The following APPBP2 variants were observed in gnomAD, a reference collection of about 807,000 sequenced individuals.
The protein encoded by APPBP2 is amyloid beta precursor protein binding protein 2.
APPBP2 carries 15 observed loss-of-function variants against 76.0 expected under a neutral mutation model. The ratio of observed to expected loss-of-function variants is 0.20; its 90% confidence interval spans 0.13 to 0.30. The LOEUF (loss-of-function observed/expected upper bound fraction) is 0.30. Among genes scored for constraint, APPBP2 ranks in the 10% least tolerant of loss-of-function variants. APPBP2 has a pLI of 1.00. For synonymous variants in APPBP2, 222 were observed against 242.2 expected, an observed-to-expected ratio of 0.92 and a Z score of 0.77; for missense variants, 401 against 687.2, an observed-to-expected ratio of 0.58 and a Z score of 4.66.
At chr17:60,504,446 TA>T (rs2090850674) in intron 1 of APPBP2, among the ~76,000 whole-genome samples, 1 of 152,104 alleles carries the variant, frequency 6.6e-6, no homozygotes, top group Non-Finnish European at 1.5e-5. Flanking sequence ...AATTACTTAA[TA>T]AAGAGTGCAT....
chr17:60,466,574 C>T (rs1567922822), intron 4 of APPBP2, 115 bp from the exon 5 acceptor site: 1 of 1,078,596 alleles, frequency 9.3e-7, no homozygotes, highest in East Asian at 2.5e-5. Context: ...TACAAGGCAG[C>T]ATTGAAAATA....
intron 4 of APPBP2, among the ~76,000 whole-genome samples, chr17:60,469,324 CAA>C (rs1159684144): frequency 1.9e-4 from 10 of 53,088 alleles, no homozygotes; most frequent in Admixed American, 2.2e-4. Context: ...GACTCCATCT[CAA>C]AAAAAAAAAA....
intron 3 of APPBP2, among the ~76,000 whole-genome samples, chr17:60,484,112 G>A (rs1421420973): frequency 1.3e-5 from 2 of 152,152 alleles, no homozygotes; most frequent in African/African-American, 2.4e-5. Flanking sequence ...CCAGTACCAC[G>A]CTGTTTTGGT....
chr17:60,526,008 G>C lies in APPBP2; in HGVS notation c.-77C>G. Reference sequence around the variant, plus strand: ...ACCTCCCTCCGTAGCGAACCCCTCTGCGGCCCCGGAGGATTCGGAGGGGCG... The same window carrying C: ...ACCTCCCTCCGTAGCGAACCCCTCTCCGGCCCCGGAGGATTCGGAGGGGCG... On this transcript the variant is annotated 5_prime_UTR_variant, in exon 1 of 13. Transcript: ENST00000083182. 1.4e-6 allele frequency: 2 copies of C among 1,433,202 alleles called. No homozygotes were observed. Among genetic ancestry groups the C allele is most frequent in the East Asian group, 2.5e-5 (1 of 40,024 alleles). The allele number at this position is 1,433,202 out of a possible 1,614,324, so 88.8% of individuals were successfully genotyped here. A position where few individuals can be genotyped will look rare whatever the true frequency, so the allele number is the denominator to read the frequency against.
At chr17:60,525,679 G>A (rs544675084) in intron 1 of APPBP2, 115 bp downstream of exon 1, 582 of 1,492,566 alleles carry the variant, frequency 3.9e-4, no homozygotes, top group Non-Finnish European at 5.1e-4. Flanking sequence ...GACGTTTCGG[G>A]AGGCAAGTCT....
intron 4 of APPBP2, among the ~76,000 whole-genome samples, chr17:60,469,555 A>C (rs2090536849): frequency 6.6e-6 from 1 of 152,124 alleles, no homozygotes; most frequent in Non-Finnish European, 1.5e-5. Context: ...TCATCACCCC[A>C]AACAGTCCCT....
intron 2 of APPBP2, among the ~76,000 whole-genome samples, chr17:60,497,848 C>T (rs147210090): frequency 6.6e-6 from 1 of 151,844 alleles, no homozygotes; most frequent in East Asian, 1.9e-4. Context: ...CTAAAGAGAA[C>T]AGCAAGCAGA....
Position 60,451,905 on chromosome 17 carries a change from T to G in APPBP2, c.1479A>C (p.Lys493Asn). The change falls in exon 12 of 13, where the codon AAA becomes AAC. Residue 493 changes from lysine (K) to asparagine (N), a missense_variant. Physicochemically the swap from Lys to Asn is moderately conservative, Grantham distance 94. Coordinates refer to ENST00000083182, the MANE Select transcript of APPBP2 (RefSeq NM_006380.5). ...CAATTGCTATAGATCGCAAATAAAG[T>G]TTCTCAGCATTTTCATACTGATTCA... is the stretch of plus-strand genomic sequence containing the variant. ...YDMNQYENAE[K>N]LYLRSIAIGK... 3 of 1,609,240 alleles carry G rather than the reference T, an allele frequency of 1.9e-6. No homozygotes were observed. The highest frequency in any genetic ancestry group is 2.5e-6 in the Non-Finnish European group (3 of 1,178,720).
intron 3 of APPBP2, among the ~76,000 whole-genome samples, chr17:60,479,695 C>A (rs2090615476): frequency 6.6e-6 from 1 of 152,156 alleles, no homozygotes; most frequent in African/African-American, 2.4e-5. Flanking sequence ...AGACTGTGAT[C>A]CTTAATCGAT....
At chr17:60,521,814 G>A (rs1485016135) in intron 1 of APPBP2, among the ~76,000 whole-genome samples, 1 of 152,010 alleles carries the variant, frequency 6.6e-6, no homozygotes, top group Non-Finnish European at 1.5e-5. Context: ...TATCGTTATT[G>A]TATTTTATGT....
At chr17:60,503,839 CAG>C (rs2143462172) in intron 1 of APPBP2, among the ~76,000 whole-genome samples, 4 of 130,856 alleles carry the variant, frequency 3.1e-5, no homozygotes, top group Admixed American at 2.8e-4. Context: ...GAGTCATATA[CAG>C]TTAAATAACC....
At chr17:60,464,790 G>A (rs750046462) in intron 5 of APPBP2, 1 of 152,394 alleles carries the variant, frequency 6.6e-6, no homozygotes, top group Non-Finnish European at 1.5e-5. Flanking sequence ...GTGCATACCT[G>A]TAATCCCAGC....
At chr17:60,505,090 AAAT>A (rs1004815624) in intron 1 of APPBP2, among the ~76,000 whole-genome samples, 1 of 152,330 alleles carries the variant, frequency 6.6e-6, no homozygotes, top group African/African-American at 2.4e-5. Context: ...TAAAAATCTG[AAAT>A]AATACAATGC....
intron 3 of APPBP2, 55 bp downstream of exon 3, chr17:60,494,411 G>A (rs976947975): frequency 2.5e-6 from 4 of 1,571,228 alleles, no homozygotes; most frequent in Non-Finnish European, 2.6e-6. Flanking sequence ...TTTGTTAGCA[G>A]ATTTAATTCT....
rs185960400 is a variant in APPBP2, at chr17:60,474,366, G to T, written c.503+4782C>A. On this transcript the variant is annotated intron_variant, in intron 4 of 12. Transcript: ENST00000083182. ...TTTTTGTATTTTTAGTAGAGACAGG[G>T]TTTCACCATGTTGGCCAGGCTGGTC... Among the ~76,000 whole-genome samples, 236 of 151,830 alleles carry T rather than the reference G, an allele frequency of 1.6e-3. 3 individuals carry two copies. Among genetic ancestry groups the T allele is most frequent in the Admixed American group, 0.012 (181 of 15,230 alleles).
chr17:60,447,649 G>A lies in APPBP2; in HGVS notation c.1690C>T (p.Pro564Ser). The stretch of plus-strand genomic sequence containing the variant: ...TGCACCACTTCTTCAGTGGACTGGG[G>A]GCTGGTGCTGACATCTTCAAGAGCA... ...TDALEDVSTS[P>S]QSTEEVVQSF... The change falls in exon 13 of 13, where the codon CCC (proline) becomes TCC (serine). Residue 564 changes from proline (P) to serine (S), a missense_variant. This residue lies in a region of APPBP2 where 56 missense variants were observed against 76.5 expected (regional missense o/e 0.73). Coordinates refer to ENST00000083182, the MANE Select transcript of APPBP2 (RefSeq NM_006380.5). 6.2e-7 allele frequency: 1 copy of A among 1,614,086 alleles called. No homozygotes were observed. The highest frequency in any genetic ancestry group is 1.3e-5 in the African/African-American group (1 of 75,040).
At chr17:60,494,994 T>G (rs1352730578) in intron 2 of APPBP2, among the ~76,000 whole-genome samples, 1 of 149,492 alleles carries the variant, frequency 6.7e-6, no homozygotes, top group African/African-American at 2.4e-5. Flanking sequence ...GTTTTTTTTT[T>G]TTTTTTTTGA....
chr17:60,447,436 T>C lies in APPBP2; in HGVS notation c.*145A>G, dbSNP rs75205172. On this transcript the variant is annotated 3_prime_UTR_variant, in exon 13 of 13. Transcript: ENST00000083182. ...TTATTCCTACAGACATTCTGCAAGA[T>C]AGGGATCACCCAAAATAGGGTCTTC... 4.7e-6 allele frequency: 4 copies of C among 842,778 alleles called. No individual in the cohort carries two copies. The highest frequency in any genetic ancestry group is 1.7e-5 in the African/African-American group (1 of 58,732). 52.2% of individuals were successfully genotyped at this position (842,778 alleles called of 1,614,324 possible). A position where few individuals can be genotyped will look rare whatever the true frequency, so the allele number is the denominator to read the frequency against.
intron 9 of APPBP2, among the ~76,000 whole-genome samples, chr17:60,459,052 T>A (rs528177170): frequency 6.6e-6 from 1 of 152,290 alleles, no homozygotes; most frequent in South Asian, 2.1e-4. Flanking sequence ...ATTACAGGTA[T>A]CAGCCACTGC....
Sources: allele counts gnomAD v4.1 joint callset (sites outside exome capture counted in the v4.1 genomes callset), GRCh38; gene constraint gnomAD v4.1.1; regional missense constraint gnomAD v4.1.1; transcripts MANE v1.5; gene names NCBI Gene and HGNC (gene_info 2026-07-23, HGNC 2026-07-21).